The following SLC2A3 variants were observed in gnomAD, a reference collection of about 807,000 sequenced individuals.
SLC2A3 encodes solute carrier family 2 member 3.
In SLC2A3, 21 loss-of-function variants were observed where a neutral mutation model predicts 46.4. The observed-to-expected ratio is 0.45, with a 90% CI of 0.32 to 0.65. The LOEUF (loss-of-function observed/expected upper bound fraction) is 0.65. SLC2A3 is among the 30% of genes least tolerant of loss of function. SLC2A3 has a pLI of 0.04. For missense variants in SLC2A3, 499 were observed against 623.3 expected (o/e 0.80, Z 2.12); for synonymous variants, 213 against 239.4 (o/e 0.89, Z 1.02).
chr12:7,933,113 T>C lies in SLC2A3; in HGVS notation c.143A>G (p.Asp48Gly). 6.2e-7 allele frequency: 1 copy of C among 1,614,066 alleles called. No individual in the cohort carries two copies. Among genetic ancestry groups the C allele is most frequent in the South Asian group, 1.1e-5 (1 of 91,080 alleles). The change falls in exon 3 of 10, where the codon GAC (aspartate) becomes GGC (glycine). Residue 48 changes from aspartate to glycine, a missense_variant. Asp to Gly is a moderately conservative substitution (Grantham distance 94, BLOSUM62 -1). This residue lies in a region of SLC2A3 where 248 missense variants were observed against 284.0 expected (regional missense o/e 0.87). Coordinates refer to ENST00000075120, the MANE Select transcript of SLC2A3 (RefSeq NM_006931.3). ...IKEFINKTLT[D>G]KGNAPPSEVL... ...CTCAGAGGGTGGGGCATTTCCCTTG[T>C]CCGTCAAAGTTTTATTGATAAATTC...
At chr12:7,931,554 A>ATT (rs1946156338) in intron 3 of SLC2A3, 69 bp from the exon 4 acceptor site, 33 of 1,590,750 alleles carry the variant, frequency 2.1e-5, no homozygotes, top group Non-Finnish European at 2.8e-5. Context: ...CTCTGTCCTC[A>ATT]TTATTCTGTT....
At chr12:7,928,859 A>AT in intron 6 of SLC2A3, among the ~76,000 whole-genome samples, 1 of 151,748 alleles carries the variant, frequency 6.6e-6, no homozygotes, top group South Asian at 2.1e-4. Context: ...GGGTCATACT[A>AT]TATTTCCCAG....
chr12:7,931,753 G>A (rs1007354601), intron 3 of SLC2A3, among the ~76,000 whole-genome samples: 1 of 151,920 alleles, frequency 6.6e-6, no homozygotes, highest in Non-Finnish European at 1.5e-5. Context: ...TCCAGCCCGG[G>A]TGACAGAGCA....
chr12:7,928,644 C>T (rs897931954), intron 6 of SLC2A3, among the ~76,000 whole-genome samples: 1 of 152,004 alleles, frequency 6.6e-6, no homozygotes, highest in Admixed American at 6.6e-5. Context: ...ATTCTCAGGG[C>T]TACACTTGCA....
In SLC2A3 at chr12:7,931,436, A is replaced by G. The variant is rs1401957285; in HGVS notation, c.319T>C (p.Phe107Leu). 4.3e-6 allele frequency: 7 copies of G among 1,614,082 alleles called. No homozygotes were observed. In the East Asian group the frequency reaches 8.9e-5, roughly 21 times the overall value. ...VNLLAVTGGC[F>L]MGLCKVAKSV... ...TTAGCTACTTTACACAGTCCCATAA[A>G]GCAGCCACCAGTGACAGCCAACAGG... Residue 107 changes from phenylalanine (F) to leucine (L), a missense_variant, in exon 4 of 10, where the codon TTT becomes CTT. This residue lies in a region of SLC2A3 where 248 missense variants were observed against 284.0 expected (regional missense o/e 0.87). Coordinates refer to ENST00000075120, the MANE Select transcript of SLC2A3 (RefSeq NM_006931.3).
At chr12:7,933,627 C>G (rs780734301) in intron 2 of SLC2A3, 183 bp downstream of exon 2, 2 of 604,278 alleles carry the variant, frequency 3.3e-6, no homozygotes, top group African/African-American at 1.9e-5. Context: ...CCCTCACTAA[C>G]TGTGTTGCTC....
At chr12:7,934,054 C>A in intron 1 of SLC2A3, 152 bp from the exon 2 acceptor site, 2 of 663,536 alleles carry the variant, frequency 3.0e-6, no homozygotes, top group African/African-American at 1.8e-5. Context: ...ATGGGGAAGA[C>A]AAAGGAATAG....
At chr12:7,929,324 T>TC (rs1946127611) in intron 6 of SLC2A3, among the ~76,000 whole-genome samples, 3 of 152,178 alleles carry the variant, frequency 2.0e-5, no homozygotes, top group East Asian at 3.9e-4. Flanking sequence ...AATGCTAGCT[T>TC]CCGTTGTGCC....
Position 7,920,647 on chromosome 12 carries a change from C to G in SLC2A3, c.*766G>C, listed in dbSNP as rs1488271146. The G allele has an allele frequency of 1.3e-5, 2 of 152,166 alleles. No homozygotes were observed. The highest frequency in any genetic ancestry group is 1.3e-4 in the Admixed American group (2 of 15,274). 9.4% of individuals were successfully genotyped at this position (152,166 alleles called of 1,614,324 possible). On this transcript the variant is annotated 3_prime_UTR_variant, in exon 10 of 10. Coordinates refer to ENST00000075120, the MANE Select transcript of SLC2A3 (RefSeq NM_006931.3). Reference sequence around the variant, plus strand: ...AATTGTTAAGAGGTAACGTACAGACCTCAGGCACCACATCATTTACCCTCC... The same window carrying G: ...AATTGTTAAGAGGTAACGTACAGACGTCAGGCACCACATCATTTACCCTCC...
intron 4 of SLC2A3, 146 bp from the exon 5 acceptor site, chr12:7,930,788 C>T (rs1441257071): frequency 1.1e-5 from 8 of 708,030 alleles, no homozygotes; most frequent in Non-Finnish European, 1.6e-5. Context: ...CTCTACTCAG[C>T]ATGGTTTTTT....
At chr12:7,923,101 C>T (rs762678732) in intron 8 of SLC2A3, 77 bp from the exon 9 acceptor site, 30 of 1,338,704 alleles carry the variant, frequency 2.2e-5, no homozygotes, top group East Asian at 5.0e-5. Context: ...AAGCAATTAA[C>T]GGCAAGCTCC....
chr12:7,926,575 G>C (rs192381898), intron 6 of SLC2A3, among the ~76,000 whole-genome samples: 1 of 152,052 alleles, frequency 6.6e-6, no homozygotes, highest in East Asian at 1.9e-4. Flanking sequence ...TGTTGCCCAG[G>C]CTGGTCCTAA....
Position 7,926,532 on chromosome 12 carries a change from G to A in SLC2A3, c.862-584C>T, listed in dbSNP as rs371125056. Among the ~76,000 whole-genome samples, 426 of 152,094 alleles carry A rather than the reference G, an allele frequency of 2.8e-3. 1 individual carries two copies. The highest frequency in any genetic ancestry group is 9.7e-3 in the African/African-American group (403 of 41,488). Reference sequence around the variant, plus strand: ...ATAAAGGTGTAATTCCTACTAACTGGTTTCTTTTTTATAAGTTGAGACAGC... The same window carrying A: ...ATAAAGGTGTAATTCCTACTAACTGATTTCTTTTTTATAAGTTGAGACAGC... On this transcript the variant is annotated intron_variant, in intron 6 of 9. Coordinates refer to ENST00000075120, the MANE Select transcript of SLC2A3 (RefSeq NM_006931.3).
intron 6 of SLC2A3, among the ~76,000 whole-genome samples, chr12:7,927,072 C>T (rs969490886): frequency 6.6e-6 from 1 of 152,048 alleles, no homozygotes; most frequent in Non-Finnish European, 1.5e-5. Context: ...TGAATATGGA[C>T]CTCTACATTG....
chr12:7,923,223 C>T, intron 8 of SLC2A3, 199 bp from the exon 9 acceptor site: 1 of 577,238 alleles, frequency 1.7e-6, no homozygotes, highest in Non-Finnish European at 3.0e-6. Context: ...TGCTGGAGGG[C>T]AGTGGCACTA....
In SLC2A3 at chr12:7,933,791, A is replaced by C. The variant is rs187155599; in HGVS notation, c.108+19T>G. 1,183 of 1,606,108 alleles carry C rather than the reference A, an allele frequency of 7.4e-4. 2 individuals are homozygous for C. The African/African-American group carries it at 1.0e-2, about 14-fold the overall frequency. On this transcript the variant is annotated intron_variant, in intron 2 of 9. Transcript: ENST00000075120. The stretch of plus-strand genomic sequence containing the variant: ...AACTTCCCTATTCTAAATTCTAATT[A>C]TTGTGGCCTGGCACTCACCTTCTCA...
In SLC2A3 at chr12:7,931,139, T is replaced by C. The variant is rs766408732; in HGVS notation, c.510+106A>G. On this transcript the variant is annotated intron_variant, in intron 4 of 9. Coordinates refer to ENST00000075120, the MANE Select transcript of SLC2A3 (RefSeq NM_006931.3). The stretch of plus-strand genomic sequence containing the variant: ...TACTATCTATTATCTAAAACTTCCA[T>C]ATGTAATTGAACATGTGCCAGATAT... 24 of 1,527,074 alleles carry C rather than the reference T, an allele frequency of 1.6e-5. No individual in the cohort carries two copies. In the East Asian group the frequency reaches 5.2e-4, roughly 33 times the overall value. The allele number at this position is 1,527,074 out of a possible 1,614,324, so 94.6% of individuals were successfully genotyped here.
In SLC2A3 at chr12:7,933,043, G is replaced by A. The variant is rs955931574; in HGVS notation, c.213C>T (p.Ser71=). 9 of 1,614,066 alleles carry A rather than the reference G, an allele frequency of 5.6e-6. No individual in the cohort carries two copies. Among genetic ancestry groups the A allele is most frequent in the East Asian group, 4.5e-5 (2 of 44,886 alleles). Residue 71 remains serine, a synonymous_variant, in exon 3 of 10, where the codon TCC becomes TCT. Transcript: ENST00000075120. ...AAAAGGAGCCGATCATACCCCCGAC[G>A]GAAAATATGGCCACAGACAAGGACC... ...SLWSLSVAIF[S]VGGMIGSFSV...
Position 7,920,550 on chromosome 12 carries a change from G to C in SLC2A3, c.*863C>G, listed in dbSNP as rs1946026275. The C allele has an allele frequency of 6.6e-6, 1 of 152,022 alleles. No individual in the cohort carries two copies. Among genetic ancestry groups the C allele is most frequent in the African/African-American group, 2.4e-5 (1 of 41,348 alleles). The allele number at this position is 152,022 out of a possible 1,614,324, so 9.4% of individuals were successfully genotyped here. On this transcript the variant is annotated 3_prime_UTR_variant, in exon 10 of 10. Transcript: ENST00000075120. ...TATCTTAAAGAAAAAAGCTCCAAAGGAAATCAGTAGCTTTATTATATAGGT... is the reference window on the plus strand; with the variant it reads ...TATCTTAAAGAAAAAAGCTCCAAAGCAAATCAGTAGCTTTATTATATAGGT...
Sources: gnomAD v4.1 joint callset for allele counts (sites outside exome capture counted in the v4.1 genomes callset) on GRCh38, gnomAD v4.1.1 for gene constraint, gnomAD v4.1.1 regional missense constraint, MANE v1.5 for transcripts, NCBI Gene and HGNC (gene_info 2026-07-23, HGNC 2026-07-21) for gene names.